Variants in GSTT4 observed in about 807,000 individuals in gnomAD.
GSTT4 encodes the protein glutathione S-transferase theta-4.
At chr22:23,992,260 C>T in the GSTT4 span, among the ~76,000 whole-genome samples, 62,151 of 138,696 alleles carry the variant, frequency 0.45, 15,088 homozygotes, top group South Asian at 0.57. Context: ...AACGCCTCCC[C>T]GAGATGGCTG....
downstream of GSTT4, among the ~76,000 whole-genome samples, chr22:23,994,588 T>C (rs541040608): frequency 1.2e-3 from 183 of 149,686 alleles, no homozygotes; most frequent in Middle Eastern, 6.9e-3. Context: ...TGTTGTAGCA[T>C]ATAACGGTAC....
At chr22:23,996,847 G>A (rs1268287736), downstream of GSTT4, among the ~76,000 whole-genome samples, 1 of 152,132 alleles carries the variant, frequency 6.6e-6, no homozygotes, top group Non-Finnish European at 1.5e-5. Flanking sequence ...TGGCCTCATA[G>A]TATGAGTTGA....
At chr22:24,002,143 G>A (rs587630613) in intron 2 of GSTT4, among the ~76,000 whole-genome samples, 346 of 152,308 alleles carry the variant, frequency 2.3e-3, no homozygotes, top group African/African-American at 8.1e-3. Flanking sequence ...AGTCCACGTA[G>A]GGTAGCCCCT....
intron 2 of GSTT4, among the ~76,000 whole-genome samples, chr22:24,001,959 C>T (rs1329585615): frequency 6.6e-6 from 1 of 152,376 alleles, no homozygotes; most frequent in African/African-American, 2.4e-5. Context: ...CCACTGTACT[C>T]CAGCCTGGGC....
At chr22:24,000,585 G>A (rs866694462) in intron 3 of GSTT4, among the ~76,000 whole-genome samples, 2 of 136,650 alleles carry the variant, frequency 1.5e-5, no homozygotes, top group South Asian at 2.1e-4. Flanking sequence ...TTGAGATGGA[G>A]TCTCACTCTG....
intron 4 of GSTT4, 148 bp from the exon 5 acceptor site, chr22:23,998,887 A>G (rs2034165251): frequency 6.5e-6 from 1 of 152,886 alleles, no homozygotes; most frequent in South Asian, 2.1e-4. Context: ...GGGGTCACAG[A>G]CTATGTAATA....
chr22:23,991,921 C>A, the GSTT4 span, among the ~76,000 whole-genome samples: 1 of 144,896 alleles, frequency 6.9e-6, no homozygotes, highest in South Asian at 2.3e-4. Flanking sequence ...GGCGGGGTGG[C>A]GGGCGCCTGT....
downstream of GSTT4, among the ~76,000 whole-genome samples, chr22:23,995,511 T>G (rs548356591): frequency 6.6e-5 from 10 of 152,196 alleles, no homozygotes; most frequent in Non-Finnish European, 1.5e-4. Context: ...TATTCCAACT[T>G]CATCAGACCC....
the GSTT4 span, among the ~76,000 whole-genome samples, chr22:23,991,921 C>T: frequency 1.4e-5 from 2 of 144,896 alleles, no homozygotes; most frequent in Admixed American, 7.0e-5. Flanking sequence ...GGCGGGGTGG[C>T]GGGCGCCTGT....
the GSTT4 span, among the ~76,000 whole-genome samples, chr22:23,991,802 C>A: frequency 7.2e-6 from 1 of 139,678 alleles, no homozygotes; most frequent in South Asian, 2.5e-4. Flanking sequence ...CGCCTGTAAT[C>A]CCAGCACTTT....
At chr22:24,003,007 A>T (rs1310224177) in intron 2 of GSTT4, among the ~76,000 whole-genome samples, 2 of 152,180 alleles carry the variant, frequency 1.3e-5, no homozygotes, top group African/African-American at 4.8e-5. Flanking sequence ...GCTCTATCCT[A>T]GCCCAGGCTG....
At chr22:24,005,188 T>C (rs1401514955) in intron 1 of GSTT4, 57 bp downstream of exon 1, 1 of 152,998 alleles carries the variant, frequency 6.5e-6, no homozygotes, top group Non-Finnish European at 1.5e-5. Context: ...AAAGCCGCAA[T>C]CTGTGTGTCC....
chr22:23,999,534 C>T (rs1405402764), intron 4 of GSTT4, among the ~76,000 whole-genome samples: 12 of 112,912 alleles, frequency 1.1e-4, no homozygotes, highest in Non-Finnish European at 1.8e-4. Context: ...CAGTTGAGAC[C>T]CTGGCCAGTG....
At chr22:24,001,005 C>T (rs2034218530) in intron 3 of GSTT4, among the ~76,000 whole-genome samples, 170 bp downstream of exon 3, 1 of 105,314 alleles carries the variant, frequency 9.5e-6, no homozygotes, top group Non-Finnish European at 1.9e-5. Flanking sequence ...TCAGTCCACA[C>T]TCCTGACGGC....
In GSTT4 at chr22:24,003,013, G is replaced by A. The variant is rs533976704; in HGVS notation, c.200+747C>T. ...TGATGCTACGCTCTATCCTAGCCCA[G>A]GCTGGAGTGCAGTGGCGCAATCAGA... On this transcript the variant is annotated intron_variant, in intron 2 of 4. Transcript: ENST00000621179. Among the ~76,000 whole-genome samples the A allele has an allele frequency of 2.3e-4, 35 of 152,330 alleles. No homozygotes were observed. The South Asian group carries it at 7.3e-3, about 32-fold the overall frequency.
downstream of GSTT4, among the ~76,000 whole-genome samples, chr22:23,997,456 C>T (rs2034127382): frequency 6.6e-6 from 1 of 152,080 alleles, no homozygotes; most frequent in Non-Finnish European, 1.5e-5. Flanking sequence ...CTCCTGGCCT[C>T]AAGTGATCCT....
the GSTT4 span, among the ~76,000 whole-genome samples, chr22:23,991,041 G>A: frequency 0.016 from 1,119 of 71,432 alleles, 3 homozygotes; most frequent in Middle Eastern, 0.034. Flanking sequence ...GGCCAGGCAT[G>A]TCGGTGGGCA....
the GSTT4 span, among the ~76,000 whole-genome samples, chr22:23,992,741 C>A: frequency 6.6e-6 from 1 of 151,134 alleles, no homozygotes. Flanking sequence ...AGTCTCCCAG[C>A]GCCTACCCCA....
At chr22:24,003,077 C>T (rs2034270146) in intron 2 of GSTT4, among the ~76,000 whole-genome samples, 2 of 152,236 alleles carry the variant, frequency 1.3e-5, no homozygotes. Context: ...TCAAGCGATC[C>T]TCCCGTGTCA....
Sources: allele counts gnomAD v4.1 joint callset (sites outside exome capture counted in the v4.1 genomes callset), GRCh38; gene constraint gnomAD v4.1.1; transcripts MANE v1.5; gene names NCBI Gene and HGNC (gene_info 2026-07-23, HGNC 2026-07-21).